The following NRCAM variants were observed in gnomAD, a reference collection of about 807,000 sequenced individuals.
The protein encoded by NRCAM is NgCAM-related cell adhesion molecule.
NRCAM carries 83 observed loss-of-function variants against 156.5 expected under a neutral mutation model. The ratio of observed to expected loss-of-function variants is 0.53; its 90% CI spans 0.44 to 0.64. NRCAM has a LOEUF of 0.64. Among genes scored for constraint, NRCAM ranks in the 30% least tolerant of loss-of-function variants. The pLI is 0.00. For missense variants in NRCAM, 1,417 were observed against 1,597.3 expected, an observed-to-expected ratio of 0.89 and a Z score of 1.92; for synonymous variants, 538 against 563.9, an observed-to-expected ratio of 0.95 and a Z score of 0.65.
intron 32 of NRCAM, among the ~76,000 whole-genome samples, chr7:108,151,775 TC>T (rs754998536): frequency 1.3e-5 from 2 of 152,206 alleles, no homozygotes; most frequent in Non-Finnish European, 2.9e-5. Context: ...AATTATTAAA[TC>T]CTTCTTGTGA....
intron 32 of NRCAM, among the ~76,000 whole-genome samples, chr7:108,155,680 C>G (rs73412317): frequency 6.6e-6 from 1 of 151,948 alleles, no homozygotes; most frequent in South Asian, 2.1e-4. Context: ...TGTGTGGGAC[C>G]AAATTCTATT....
At chr7:108,159,674 A>G in intron 31 of NRCAM, 133 bp from the exon 32 acceptor site, 1 of 648,610 alleles carries the variant, frequency 1.5e-6, no homozygotes, top group South Asian at 1.9e-5. Context: ...ATAACCATAT[A>G]TATGGTGGCC....
chr7:108,438,877 T>C (rs774143552), intron 1 of NRCAM, among the ~76,000 whole-genome samples: 2 of 152,072 alleles, frequency 1.3e-5, no homozygotes, highest in African/African-American at 2.4e-5. Context: ...TCCATCACAA[T>C]AGCACCACAA....
Position 108,232,371 on chromosome 7 carries a change from C to T in NRCAM, c.382G>A (p.Glu128Lys), listed in dbSNP as rs1195662054. The T allele has an allele frequency of 5.0e-6, 8 of 1,610,536 alleles. No homozygotes were observed. Among genetic ancestry groups the T allele is most frequent in the African/African-American group, 1.3e-5 (1 of 74,762 alleles). ...EGVYQCTARN[E>K]RGAAVSNNIV... ...TTATTAGAAACTGCAGCTCCGCGTT[C>T]GTTCCTTGCTGTACACTGATAGACT... Residue 128 changes from glutamate (E) to lysine (K), a missense_variant, in exon 7 of 33, where the codon GAA (glutamate) becomes AAA (lysine). This residue lies in a region of NRCAM where 1,238 missense variants were observed against 1,336.4 expected (regional missense o/e 0.93). Coordinates refer to ENST00000379028, the MANE Select transcript of NRCAM (RefSeq NM_001037132.4).
chr7:108,405,314 C>A (rs183152877), intron 1 of NRCAM, among the ~76,000 whole-genome samples: 2 of 152,288 alleles, frequency 1.3e-5, no homozygotes, highest in East Asian at 1.9e-4. Context: ...CGCCTCAGTG[C>A]GGCTTCTTTG....
intron 28 of NRCAM, among the ~76,000 whole-genome samples, chr7:108,174,727 G>A (rs181631179): frequency 6.6e-6 from 1 of 152,364 alleles, no homozygotes; most frequent in African/African-American, 2.4e-5. Flanking sequence ...GTGAAGACAG[G>A]ATGGGTGGGA....
At chr7:108,283,933 C>T (rs528341338) in intron 3 of NRCAM, among the ~76,000 whole-genome samples, 1 of 152,116 alleles carries the variant, frequency 6.6e-6, no homozygotes, top group African/African-American at 2.4e-5. Context: ...GCGACCTCTG[C>T]CTCCTGGGTT....
At chr7:108,245,158 G>C (rs1350354911) in intron 3 of NRCAM, among the ~76,000 whole-genome samples, 1 of 151,950 alleles carries the variant, frequency 6.6e-6, no homozygotes, top group Non-Finnish European at 1.5e-5. Context: ...TAAATGTCAC[G>C]TGATATGTGA....
intron 1 of NRCAM, among the ~76,000 whole-genome samples, chr7:108,454,895 GTTC>G (rs1459719762): frequency 1.3e-5 from 2 of 152,236 alleles, no homozygotes; most frequent in Non-Finnish European, 2.9e-5. Flanking sequence ...TCTCAGGACA[GTTC>G]TGCGCCGGTG....
chr7:108,159,945 T>A (rs1445689683), intron 31 of NRCAM, among the ~76,000 whole-genome samples: 2 of 152,160 alleles, frequency 1.3e-5, no homozygotes, highest in Admixed American at 6.5e-5. Flanking sequence ...ATGGGCCCAC[T>A]AAATTGAATA....
chr7:108,383,908 C>T (rs772116469), intron 2 of NRCAM, among the ~76,000 whole-genome samples: 1 of 152,076 alleles, frequency 6.6e-6, no homozygotes, highest in Non-Finnish European at 1.5e-5. Flanking sequence ...TGATAACATA[C>T]CATTAAGACT....
Position 108,225,702 on chromosome 7 carries a change from C to A in NRCAM, c.722-1G>T. 3 of 1,584,120 alleles carry A rather than the reference C, an allele frequency of 1.9e-6. No individual in the cohort carries two copies. ...GCTATAGTGTCATTCAATTCATCCA[C>A]TGAAATAAACAGAATATTATGAAGA... On this transcript the variant is annotated splice_acceptor_variant, in intron 9 of 32. Transcript: ENST00000379028. LOFTEE classifies it high-confidence loss of function.
chr7:108,240,321 G>C (rs2095440409), intron 3 of NRCAM, among the ~76,000 whole-genome samples, 151 bp from the exon 4 acceptor site: 1 of 152,156 alleles, frequency 6.6e-6, no homozygotes, highest in South Asian at 2.1e-4. Flanking sequence ...CAAAACTGGA[G>C]TAATCATTTA....
intron 1 of NRCAM, among the ~76,000 whole-genome samples, chr7:108,441,695 C>G (rs1411559006): frequency 6.6e-6 from 1 of 152,210 alleles, no homozygotes; most frequent in Non-Finnish European, 1.5e-5. Flanking sequence ...CTCCCTAAGC[C>G]TCAGTTTCCT....
intron 18 of NRCAM, 63 bp from the exon 19 acceptor site, chr7:108,191,346 C>G: frequency 1.6e-6 from 2 of 1,215,698 alleles, no homozygotes; most frequent in Non-Finnish European, 2.4e-6. Context: ...TACAAGATAG[C>G]ACAAGATGAC....
In NRCAM at chr7:108,250,104, T is replaced by TAA. The variant is rs2096241941; in HGVS notation, c.-106-9936_-106-9935dup. Among the ~76,000 whole-genome samples, 5 of 152,170 alleles carry TAA rather than the reference T, an allele frequency of 3.3e-5. No homozygotes were observed. The South Asian group carries it at 1.0e-3, about 32-fold the overall frequency. ...ATAAAGAAAATGTAGTACTTATATA[T>TAA]AATGGAGTACTATTTAGCCATAAAA... On this transcript the variant is annotated intron_variant, in intron 3 of 32. Coordinates refer to ENST00000379028, the MANE Select transcript of NRCAM (RefSeq NM_001037132.4).
At chr7:108,237,571 T>G (rs1421248769) in intron 5 of NRCAM, among the ~76,000 whole-genome samples, 181 bp downstream of exon 5, 3 of 152,292 alleles carry the variant, frequency 2.0e-5, no homozygotes, top group African/African-American at 7.2e-5. Flanking sequence ...TTCATGCAGA[T>G]AATACTTTAC....
intron 13 of NRCAM, among the ~76,000 whole-genome samples, chr7:108,198,951 A>T (rs2076552888): frequency 6.6e-6 from 1 of 152,188 alleles, no homozygotes; most frequent in Admixed American, 6.5e-5. Flanking sequence ...GCAATTTGGA[A>T]CTTCTGTGAG....
At chr7:108,450,602 AT>A (rs1849198908) in intron 1 of NRCAM, among the ~76,000 whole-genome samples, 1 of 143,232 alleles carries the variant, frequency 7.0e-6, no homozygotes, top group Non-Finnish European at 1.6e-5. Flanking sequence ...TAATAATGCC[AT>A]TTTTTGGCAG....
Sources: gnomAD v4.1 joint callset for allele counts (sites outside exome capture counted in the v4.1 genomes callset) on GRCh38, gnomAD v4.1.1 for gene constraint, gnomAD v4.1.1 regional missense constraint, MANE v1.5 for transcripts, NCBI Gene and HGNC (gene_info 2026-07-23, HGNC 2026-07-21) for gene names.